Variants in FXYD1 observed in about 807,000 individuals in gnomAD.
FXYD1 encodes FXYD domain containing ion transport regulator 1, also known as phospholemman.
Under a neutral mutation model 17.2 loss-of-function variants are expected in FXYD1, and 9 were observed. The observed-to-expected ratio is 0.52, with a 90% CI of 0.32 to 0.91. The LOEUF is 0.91. Ranked by LOEUF, FXYD1 falls within the 40% of genes least tolerant of loss-of-function variation. The pLI is 0.04. For synonymous variants in FXYD1, 55 were observed against 45.8 expected, an observed-to-expected ratio of 1.20 and a Z score of -0.81; for missense variants, 113 against 120.6, an observed-to-expected ratio of 0.94 and a Z score of 0.29.
At chr19:35,137,416 T>G (rs2065215888), upstream of FXYD1, among the ~76,000 whole-genome samples, 1 of 152,252 alleles carries the variant, frequency 6.6e-6, no homozygotes, top group South Asian at 2.1e-4. Flanking sequence ...GCCAACCATG[T>G]GCCTGTTTGC....
In FXYD1 at chr19:35,140,063, G is replaced by T; in HGVS notation, c.-4-13G>T. ...AAGGGCACACACTGCCTAATCCGTG[G>T]TGTCCCCCCCAGGACAATGGCGTCT... On this transcript the variant is annotated splice_polypyrimidine_tract_variant and intron_variant, in intron 1 of 7. Transcript: ENST00000351325. 6.2e-7 allele frequency: 1 copy of T among 1,611,800 alleles called. No individual in the cohort carries two copies. The highest frequency in any genetic ancestry group is 1.7e-4 in the Middle Eastern group (1 of 6,056).
intron 5 of FXYD1, chr19:35,142,217 TC>T: frequency 2.3e-6 from 1 of 437,670 alleles, no homozygotes; most frequent in Non-Finnish European, 4.0e-6. Context: ...CCCATGACTA[TC>T]CCTCCCCCAC....
At chr19:35,142,260 A>C in intron 5 of FXYD1, 5 of 438,890 alleles carry the variant, frequency 1.1e-5, no homozygotes, top group Non-Finnish European at 2.0e-5. Flanking sequence ...AAATCCGCGG[A>C]GGTACTCACT....
At chr19:35,137,262 G>A (rs1600480898), upstream of FXYD1, among the ~76,000 whole-genome samples, 1 of 152,324 alleles carries the variant, frequency 6.6e-6, no homozygotes, top group African/African-American at 2.4e-5. Context: ...ACCAGGACCT[G>A]TAAACCTGGC....
chr19:35,137,280 T>C (rs2065215378), upstream of FXYD1, among the ~76,000 whole-genome samples: 1 of 152,176 alleles, frequency 6.6e-6, no homozygotes, highest in Admixed American at 6.5e-5. Context: ...GGCCTGCCCA[T>C]GGGGACGCCA....
chr19:35,137,603 A>G (rs1288230151), upstream of FXYD1: 3 of 152,262 alleles, frequency 2.0e-5, no homozygotes, highest in African/African-American at 4.8e-5. Flanking sequence ...TGCTGGCTGC[A>G]TGTCTGTACC....
chr19:35,140,680 G>C (rs757989502), intron 3 of FXYD1, 51 bp downstream of exon 3: 2 of 1,503,690 alleles, frequency 1.3e-6, no homozygotes, highest in Non-Finnish European at 1.9e-6. Context: ...GGCTTTGCTG[G>C]TCCTTTGATT....
intron 6 of FXYD1, 32 bp downstream of exon 6, chr19:35,142,553 G>T: frequency 6.2e-7 from 1 of 1,603,898 alleles, no homozygotes; most frequent in Non-Finnish European, 8.5e-7. Flanking sequence ...GTATTCTGGG[G>T]AGAGGGCTGG....
At chr19:35,141,023 C>T in intron 3 of FXYD1, 109 bp from the exon 4 acceptor site, 1 of 713,662 alleles carries the variant, frequency 1.4e-6, no homozygotes, top group Admixed American at 2.0e-5. Flanking sequence ...TTACTTCCCC[C>T]CTTCTGCCTG....
upstream of FXYD1, among the ~76,000 whole-genome samples, chr19:35,137,304 C>T (rs541096614): frequency 2.6e-5 from 4 of 152,260 alleles, no homozygotes; most frequent in East Asian, 3.9e-4. Context: ...GTGTTGTCCC[C>T]GACAAGAGCT....
In FXYD1 at chr19:35,142,484, C is replaced by T. The variant is rs762145950; in HGVS notation, c.219C>T (p.Pro73=). 4.0e-5 allele frequency: 65 copies of T among 1,612,490 alleles called. No individual in the cohort carries two copies. Among genetic ancestry groups the T allele is most frequent in the Admixed American group, 1.8e-4 (11 of 59,810 alleles). Residue 73 remains proline (P), a synonymous_variant, in exon 6 of 8, where the codon CCC becomes CCT. Coordinates refer to ENST00000351325, the MANE Select transcript of FXYD1 (RefSeq NM_021902.4). ...TCTGTCTTCCCAGGACTGGGGAACC[C>T]GATGAAGAGGAGGGAACTTTCCGCA... ...KFNQQQRTGE[P]DEEEGTFRSS... is the part of the protein sequence containing the mutation.
At chr19:35,140,949 A>G in intron 3 of FXYD1, 183 bp from the exon 4 acceptor site, 2 of 310,164 alleles carry the variant, frequency 6.4e-6, no homozygotes. Context: ...CCTTTCCTAT[A>G]CACCCCTTTC....
chr19:35,140,540 C>G (rs2065241820), intron 2 of FXYD1, 57 bp from the exon 3 acceptor site: 1 of 1,519,480 alleles, frequency 6.6e-7, no homozygotes, highest in Non-Finnish European at 9.1e-7. Flanking sequence ...TCTCCTCATG[C>G]CCCTCCCTGC....
intron 3 of FXYD1, 26 bp downstream of exon 3, chr19:35,140,655 C>A: frequency 6.2e-7 from 1 of 1,607,476 alleles, no homozygotes; most frequent in South Asian, 1.1e-5. Context: ...AATTTTGAGT[C>A]CTGGGGGAGA....
chr19:35,142,689 G>A, intron 6 of FXYD1, 31 bp from the exon 7 acceptor site: 2 of 1,612,776 alleles, frequency 1.2e-6, no homozygotes, highest in Non-Finnish European at 1.7e-6. Context: ...TGCCTCTCCA[G>A]AATGACCCCC....
upstream of FXYD1, chr19:35,138,246 G>A (rs1016444741): frequency 6.6e-6 from 1 of 152,272 alleles, no homozygotes; most frequent in Non-Finnish European, 1.5e-5. Context: ...TGCTTCTATG[G>A]ATGTACATAC....
In FXYD1 at chr19:35,141,200, G is replaced by C. The variant is rs767329895; in HGVS notation, c.163G>C (p.Val55Leu). 1 of 1,599,444 alleles carries C rather than the reference G, an allele frequency of 6.3e-7. No homozygotes were observed. Among genetic ancestry groups the C allele is most frequent in the Admixed American group, 1.7e-5 (1 of 59,956 alleles). The change falls in exon 4 of 8, where the codon GTG becomes CTG. Residue 55 changes from valine to leucine, a missense_variant. Val to Leu is a conservative substitution (Grantham distance 32). Transcript: ENST00000351325. ...CCTCTTCATCCTGGGCATCCTCATC[G>C]TGCTGAGTGAGTGCCCCTAGCTCCC... ...GILFILGILI[V>L]LSRRCRCKFN...
upstream of FXYD1, chr19:35,138,694 GGGGCCGCCC>G (rs2065223452): frequency 6.6e-6 from 1 of 152,282 alleles, no homozygotes; most frequent in Non-Finnish European, 1.5e-5. Context: ...GTCTGGGCTG[GGGGCCGCCC>G]CCTGGCCCCC....
At chr19:35,141,509 G>C (rs370149307) in intron 4 of FXYD1, 27 bp from the exon 5 acceptor site, 1 of 1,601,790 alleles carries the variant, frequency 6.2e-7, no homozygotes, top group East Asian at 2.2e-5. Context: ...GGGAGCCTCA[G>C]CTTCTCCTAC....
Sources: gnomAD v4.1 joint callset for allele counts (sites outside exome capture counted in the v4.1 genomes callset) on GRCh38, gnomAD v4.1.1 for gene constraint, MANE v1.5 for transcripts, NCBI Gene and HGNC (gene_info 2026-07-23, HGNC 2026-07-21) for gene names.